Variants in PCF11 observed in about 807,000 individuals in gnomAD.
The protein encoded by PCF11 is PCF11 cleavage and polyadenylation factor subunit, also known as pre-mRNA cleavage complex 2 protein Pcf11.
Under a neutral mutation model 166.1 loss-of-function variants are expected in PCF11, and 19 were observed. The observed-to-expected ratio is 0.11, with a 90% CI of 0.08 to 0.17. The LOEUF (loss-of-function observed/expected upper bound fraction) is 0.17. Ranked by LOEUF, PCF11 falls within the 10% of genes least tolerant of loss-of-function variation. The pLI is 1.00. For synonymous variants in PCF11, 663 were observed against 644.1 expected, an observed-to-expected ratio of 1.03 and a Z score of -0.44; for missense variants, 1,565 against 1,855.5, an observed-to-expected ratio of 0.84 and a Z score of 2.88.
At chr11:83,160,767 A>C (rs1860217652) in intron 1 of PCF11, among the ~76,000 whole-genome samples, 1 of 152,174 alleles carries the variant, frequency 6.6e-6, no homozygotes. Context: ...TTCGTGTGCA[A>C]GTTTCAGTGT....
At chr11:83,166,315 G>C in exon 5 of PCF11, 1 of 1,613,694 alleles carries the variant, frequency 6.2e-7, no homozygotes, top group Non-Finnish European at 8.5e-7. Flanking sequence ...AAACCAGGGA[G>C]ATCGAGTACT....
chr11:83,171,111 T>C, intron 8 of PCF11: 1 of 320,516 alleles, frequency 3.1e-6, no homozygotes. Context: ...CAGCAATATG[T>C]AGAAGTCCTG....
exon 5 of PCF11, chr11:83,166,058 A>G (rs1431790040): frequency 1.2e-6 from 2 of 1,604,308 alleles, no homozygotes; most frequent in Non-Finnish European, 1.7e-6. Flanking sequence ...TGAAAAATCA[A>G]GAATCGGAAA....
chr11:83,165,087 G>A (rs1033337948), intron 4 of PCF11, among the ~76,000 whole-genome samples: 1 of 152,116 alleles, frequency 6.6e-6, no homozygotes, highest in African/African-American at 2.4e-5. Context: ...AATTAAGGAG[G>A]CCAGGAAGAT....
At chr11:83,169,725 T>A in exon 8 of PCF11, 1 of 1,613,958 alleles carries the variant, frequency 6.2e-7, no homozygotes, top group Non-Finnish European at 8.5e-7. Context: ...TATCTTTCAA[T>A]CAGACTGGTC....
intron 10 of PCF11, 93 bp downstream of exon 10, chr11:83,177,297 C>G (rs546789068): frequency 1.0e-6 from 1 of 959,726 alleles, no homozygotes; most frequent in African/African-American, 1.7e-5. Context: ...TGATAAAGGT[C>G]CTTACAATAA....
At chr11:83,164,610 C>T (rs1207834091) in intron 4 of PCF11, among the ~76,000 whole-genome samples, 2 of 151,834 alleles carry the variant, frequency 1.3e-5, no homozygotes, top group African/African-American at 4.8e-5. Context: ...AGGCCAGGCG[C>T]AGTGGATCAT....
In PCF11 at chr11:83,167,953, A is replaced by G; in HGVS notation, c.2092+448A>G. The G allele has an allele frequency of 8.2e-7, 1 of 1,217,006 alleles. No individual in the cohort carries two copies. The highest frequency in any genetic ancestry group is 1.4e-5 in the South Asian group (1 of 69,518). The allele number at this position is 1,217,006 out of a possible 1,614,324, so 75.4% of individuals were successfully genotyped here. A position where few individuals can be genotyped will look rare whatever the true frequency, so the allele number is the denominator to read the frequency against. ...TTGAATCACACAGCAGTGAAGGGAA[A>G]ATGAACAAGCTAAGTGGGGATGGAT... On this transcript the variant is annotated intron_variant, in intron 7 of 15. Coordinates refer to ENST00000298281, the Ensembl canonical transcript of PCF11. This position sits in a 1 kb window ranked among gnomAD's most constrained non-coding sequence, Gnocchi z 4.2.
rs778023859 is a variant in PCF11, at chr11:83,166,245, A to G, written c.1348A>G (p.Ile450Val). The G allele has an allele frequency of 3.7e-6, 6 of 1,613,510 alleles. No homozygotes were observed. The South Asian group carries it at 4.4e-5, about 12-fold the overall frequency. Residue 450 changes from isoleucine (I) to valine (V), a missense_variant, in exon 5 of 16, where the codon ATA becomes GTA. By Grantham distance (29) the Ile-to-Val change is conservative (BLOSUM62 3). Coordinates refer to ENST00000298281, the Ensembl canonical transcript of PCF11. ...ACTGGCTGGAAGTAGAAATAAAATC[A>G]TAAATGGCATTGTACAAAAACAGGA...
intron 11 of PCF11, 38 bp from the exon 12 acceptor site, chr11:83,180,970 T>C: frequency 1.6e-6 from 2 of 1,231,500 alleles, no homozygotes; most frequent in South Asian, 1.5e-5. Context: ...CATTAAGCCA[T>C]ATTATCAACA....
chr11:83,171,860 C>G, exon 9 of PCF11: 1 of 1,606,876 alleles, frequency 6.2e-7, no homozygotes, highest in Non-Finnish European at 8.5e-7. Context: ...TGGTCAAGGA[C>G]AACAGTTTTT....
chr11:83,159,202 T>C (rs1860130464), intron 1 of PCF11, among the ~76,000 whole-genome samples: 1 of 152,166 alleles, frequency 6.6e-6, no homozygotes, highest in Non-Finnish European at 1.5e-5. Context: ...AAAACAGCTT[T>C]TTTTTTTAAG....
intron 14 of PCF11, 126 bp downstream of exon 14, chr11:83,182,617 T>A: frequency 1.6e-6 from 1 of 613,092 alleles, no homozygotes; most frequent in East Asian, 2.8e-5. Flanking sequence ...AAAAAGGGTA[T>A]TGGACTTTAG....
exon 4 of PCF11, chr11:83,164,223 C>T: frequency 6.2e-7 from 1 of 1,610,502 alleles, no homozygotes; most frequent in South Asian, 1.1e-5. Flanking sequence ...GAGCCTTCAA[C>T]ACCTGGTACA....
chr11:83,174,123 T>C (rs1305033929), intron 9 of PCF11, among the ~76,000 whole-genome samples: 1 of 152,166 alleles, frequency 6.6e-6, no homozygotes, highest in Non-Finnish European at 1.5e-5. Context: ...TGTTAGGGGG[T>C]ATTGAATGGG....
At chr11:83,157,474 C>T (rs751971431) in exon 1 of PCF11, 2 of 1,612,506 alleles carry the variant, frequency 1.2e-6, no homozygotes, top group Non-Finnish European at 1.7e-6. Context: ...GCCGGTGCTG[C>T]GGGGGCCCGG....
chr11:83,182,135 CTACTCTTCAATTT>C, intron 13 of PCF11, 126 bp downstream of exon 13: 1 of 835,448 alleles, frequency 1.2e-6, no homozygotes, highest in Non-Finnish European at 1.8e-6. Flanking sequence ...CTTGAAAGCT[CTACTCTTCAATTT>C]TACTCTTACA....
chr11:83,169,332 A>G, exon 8 of PCF11: 1 of 1,611,792 alleles, frequency 6.2e-7, no homozygotes, highest in Non-Finnish European at 8.5e-7. Context: ...AAGGCCCTTT[A>G]GTCCAACAAG....
chr11:83,174,648 AG>A (rs1480372252), intron 9 of PCF11, among the ~76,000 whole-genome samples: 1 of 152,134 alleles, frequency 6.6e-6, no homozygotes, highest in Non-Finnish European at 1.5e-5. Flanking sequence ...AATCTTAGGT[AG>A]GAACTATTAT....
Sources: allele counts gnomAD v4.1 joint callset (sites outside exome capture counted in the v4.1 genomes callset), GRCh38; gene constraint gnomAD v4.1.1; non-coding constraint Gnocchi (gnomAD v3.1); transcripts MANE v1.5; gene names NCBI Gene and HGNC (gene_info 2026-07-23, HGNC 2026-07-21).